The following SAMD4A variants were observed in gnomAD, a reference collection of about 807,000 sequenced individuals.
The protein encoded by SAMD4A is sterile alpha motif domain containing 4A.
A neutral mutation model predicts 81.3 loss-of-function variants in SAMD4A; 33 were observed. The observed-to-expected ratio is 0.41, with a 90% CI of 0.31 to 0.54. The LOEUF (loss-of-function observed/expected upper bound fraction) is 0.54, where lower values mean the gene tolerates loss of function less well. SAMD4A is among the 20% of genes least tolerant of loss of function. SAMD4A has a pLI of 0.37. For missense variants in SAMD4A, 854 were observed against 951.1 expected, an observed-to-expected ratio of 0.90 and a Z score of 1.34; for synonymous variants, 389 against 382.1, an observed-to-expected ratio of 1.02 and a Z score of -0.21.
chr14:54,754,546 C>A (rs1197938963), intron 6 of SAMD4A, among the ~76,000 whole-genome samples: 1 of 152,166 alleles, frequency 6.6e-6, no homozygotes, highest in Non-Finnish European at 1.5e-5. Flanking sequence ...CCCTGGCCCT[C>A]CTCTGTCTTC....
chr14:54,624,099 C>A (rs2358884), intron 2 of SAMD4A, among the ~76,000 whole-genome samples: 8,157 of 152,262 alleles, frequency 0.054, 252 homozygotes, highest in East Asian at 0.13. Context: ...TCTCAGCCTC[C>A]CGAGTAGCTG....
intron 2 of SAMD4A, among the ~76,000 whole-genome samples, chr14:54,583,624 G>A (rs1438179970): frequency 2.0e-5 from 3 of 152,006 alleles, no homozygotes; most frequent in Non-Finnish European, 1.5e-5. Context: ...TGTAGTTGGC[G>A]GAATCAGCTC....
At chr14:54,776,668 TC>T in intron 11 of SAMD4A, 128 bp downstream of exon 11, 5 of 1,169,908 alleles carry the variant, frequency 4.3e-6, no homozygotes, top group Non-Finnish European at 5.6e-6. Flanking sequence ...TAGAAGCCTT[TC>T]CTTTTTTAAA....
At chr14:54,595,243 G>C (rs986996292) in intron 2 of SAMD4A, among the ~76,000 whole-genome samples, 3 of 151,936 alleles carry the variant, frequency 2.0e-5, no homozygotes, top group Admixed American at 2.0e-4. Context: ...AAATCTCAGT[G>C]ATTTTCTTCT....
intron 11 of SAMD4A, among the ~76,000 whole-genome samples, chr14:54,779,159 A>AG (rs2038936452): frequency 6.6e-6 from 1 of 152,062 alleles, no homozygotes; most frequent in South Asian, 2.1e-4. Context: ...TTCCACACAA[A>AG]GCAGTGCAAT....
intron 9 of SAMD4A, 96 bp from the exon 10 acceptor site, chr14:54,774,838 A>AATTT: frequency 1.2e-6 from 1 of 865,538 alleles, no homozygotes; most frequent in Non-Finnish European, 1.7e-6. Flanking sequence ...AAAAAAAATG[A>AATTT]GGAGACCTCC....
At chr14:54,759,860 A>C (rs1187262076) in intron 6 of SAMD4A, among the ~76,000 whole-genome samples, 1 of 152,236 alleles carries the variant, frequency 6.6e-6, no homozygotes, top group East Asian at 1.9e-4. Flanking sequence ...CATTTTACAG[A>C]AATGCACAGA....
chr14:54,747,641 C>T (rs540422547), intron 4 of SAMD4A, among the ~76,000 whole-genome samples: 2 of 152,338 alleles, frequency 1.3e-5, no homozygotes, highest in African/African-American at 4.8e-5. Flanking sequence ...AATGCTTTAG[C>T]ATTTCAAAGT....
chr14:54,757,885 G>A (rs1179507580), intron 6 of SAMD4A, among the ~76,000 whole-genome samples: 2 of 152,176 alleles, frequency 1.3e-5, no homozygotes, highest in African/African-American at 4.8e-5. Flanking sequence ...GGTGGTAGGT[G>A]CTCTCCTGGC....
At chr14:54,776,015 TAAAAAAAAAAAAA>T (rs10539223) in intron 10 of SAMD4A, among the ~76,000 whole-genome samples, 23 of 89,838 alleles carry the variant, frequency 2.6e-4, no homozygotes, top group Admixed American at 1.0e-3. Context: ...GTAAGAATCT[TAAAAAAAAAAAAA>T]AAAAAAAAAA....
At chr14:54,749,048 C>T in intron 5 of SAMD4A, 124 bp downstream of exon 5, 2 of 647,576 alleles carry the variant, frequency 3.1e-6, no homozygotes. Flanking sequence ...GTGCTGGAAA[C>T]TGTGGGGTGC....
chr14:54,720,948 C>T (rs568905226), intron 3 of SAMD4A, among the ~76,000 whole-genome samples: 11 of 152,168 alleles, frequency 7.2e-5, no homozygotes, highest in Non-Finnish European at 1.3e-4. Flanking sequence ...TCATGTCCTT[C>T]TGTCTTCCAG....
At chr14:54,669,521 C>T (rs753302186) in intron 2 of SAMD4A, among the ~76,000 whole-genome samples, 59 of 135,236 alleles carry the variant, frequency 4.4e-4, no homozygotes, top group African/African-American at 1.6e-3. Flanking sequence ...TGCAGTGGTG[C>T]GATCATCGCT....
intron 2 of SAMD4A, among the ~76,000 whole-genome samples, chr14:54,623,086 G>C (rs1200828319): frequency 6.6e-6 from 1 of 152,234 alleles, no homozygotes; most frequent in Non-Finnish European, 1.5e-5. Flanking sequence ...GAGTGCACCA[G>C]CCCTGCCGGG....
rs758956354 is a variant in SAMD4A at position 54,760,208 on chromosome 14, C to G, written c.1224C>G (p.His408Gln). ...GSLRIPLQEL[H>Q]QMILTPIKAY... Reference sequence around the variant, plus strand: ...TGCGCATCCCGCTCCAGGAACTGCACCAGATGATCCTGACTCCGATCAAGG... The same window carrying G: ...TGCGCATCCCGCTCCAGGAACTGCAGCAGATGATCCTGACTCCGATCAAGG... The change falls in exon 7 of 13, where the codon CAC (histidine) becomes CAG (glutamine). Residue 408 changes from histidine to glutamine, a missense_variant. Transcript: ENST00000554335. 1 of 1,613,346 alleles carries G rather than the reference C, an allele frequency of 6.2e-7. No individual in the cohort carries two copies. The highest frequency in any genetic ancestry group is 1.3e-5 in the African/African-American group (1 of 74,906).
At chr14:54,774,176 C>T (rs770527065) in intron 9 of SAMD4A, among the ~76,000 whole-genome samples, 2 of 152,224 alleles carry the variant, frequency 1.3e-5, no homozygotes, top group African/African-American at 2.4e-5. Context: ...GCTGAGCCTG[C>T]GTGCCAGCGC....
chr14:54,641,604 G>A (rs2035175518), intron 2 of SAMD4A, among the ~76,000 whole-genome samples: 1 of 152,156 alleles, frequency 6.6e-6, no homozygotes, highest in Non-Finnish European at 1.5e-5. Flanking sequence ...ACATATGATA[G>A]CATTGCAGAC....
At chr14:54,640,592 T>C (rs2035152063) in intron 2 of SAMD4A, among the ~76,000 whole-genome samples, 1 of 152,178 alleles carries the variant, frequency 6.6e-6, no homozygotes, top group African/African-American at 2.4e-5. Context: ...AGCAGTCTGG[T>C]GGTAACAGCT....
At chr14:54,568,690 CATATATATAT>C (rs59190435) in intron 2 of SAMD4A, among the ~76,000 whole-genome samples, 3,894 of 31,622 alleles carry the variant, frequency 0.12, 187 homozygotes, top group Middle Eastern at 0.25. Flanking sequence ...ACATTTGCAG[CATATATATAT>C]ATATATATAT....
Sources: gnomAD v4.1 joint callset for allele counts (sites outside exome capture counted in the v4.1 genomes callset) on GRCh38, gnomAD v4.1.1 for gene constraint, MANE v1.5 for transcripts, NCBI Gene and HGNC (gene_info 2026-07-23, HGNC 2026-07-21) for gene names.